NALCN: variants seen among roughly 807,000 people sequenced by gnomAD.
NALCN encodes sodium leak channel, non-selective.
A neutral mutation model predicts 225.3 loss-of-function variants in NALCN; 111 were observed. The ratio of observed to expected loss-of-function variants is 0.49; its 90% CI spans 0.42 to 0.58. The LOEUF (loss-of-function observed/expected upper bound fraction) is 0.58. Ranked by LOEUF, NALCN falls within the 20% of genes least tolerant of loss-of-function variation. The pLI is 0.00. For missense variants in NALCN, 1,378 were observed against 2,202.4 expected, an observed-to-expected ratio of 0.63 and a Z score of 7.49; for synonymous variants, 764 against 769.0, an observed-to-expected ratio of 0.99 and a Z score of 0.11.
chr13:101,408,088 C>A (rs930744068), intron 1 of NALCN, among the ~76,000 whole-genome samples: 2 of 152,142 alleles, frequency 1.3e-5, no homozygotes, highest in African/African-American at 4.8e-5. Flanking sequence ...CACGAGGGAG[C>A]CAGGTCTTTC....
chr13:101,077,839 G>C (rs1172346916), intron 34 of NALCN, among the ~76,000 whole-genome samples: 1 of 152,202 alleles, frequency 6.6e-6, no homozygotes, highest in East Asian at 1.9e-4. Flanking sequence ...GACCTTCACA[G>C]CAGCCCCTTC....
At chr13:101,266,998 C>A (rs190011794) in intron 10 of NALCN, among the ~76,000 whole-genome samples, 154 of 152,294 alleles carry the variant, frequency 1.0e-3, no homozygotes, top group Non-Finnish European at 1.5e-3. Flanking sequence ...CCTGATGCGT[C>A]CTTAGAGAGT....
At chr13:101,270,943 T>C (rs7331665) in intron 10 of NALCN, among the ~76,000 whole-genome samples, 10,207 of 152,298 alleles carry the variant, frequency 0.067, 1,137 homozygotes, top group African/African-American at 0.22. Context: ...GATGGAAATT[T>C]GTCTCCAATG....
chr13:101,056,048 A>G (rs929918827), intron 43 of NALCN, among the ~76,000 whole-genome samples: 1 of 152,106 alleles, frequency 6.6e-6, no homozygotes, highest in Non-Finnish European at 1.5e-5. Context: ...TAATTAGACT[A>G]TTGTCAGGAT....
intron 9 of NALCN, among the ~76,000 whole-genome samples, chr13:101,287,782 T>C (rs1413610801): frequency 6.6e-6 from 1 of 152,208 alleles, no homozygotes; most frequent in Non-Finnish European, 1.5e-5. Context: ...AACTGGTCGG[T>C]TGGTTTGTAA....
In NALCN at chr13:101,139,968, A is replaced by G. The variant is rs1389341491; in HGVS notation, c.2118+3112T>C. Among the ~76,000 whole-genome samples the G allele has an allele frequency of 3.3e-5, 5 of 152,118 alleles. No individual in the cohort carries two copies. The East Asian group carries it at 9.7e-4, about 29-fold the overall frequency. ...CAGGGGCACTCAACAAGGTTGACAA[A>G]TCCTAAGGTCTTATGAGGAACACCA... On this transcript the variant is annotated intron_variant, in intron 17 of 43. Coordinates refer to ENST00000251127, the MANE Select transcript of NALCN (RefSeq NM_052867.4).
chr13:101,229,627 T>G, intron 12 of NALCN, 43 bp from the exon 13 acceptor site: 2 of 1,392,186 alleles, frequency 1.4e-6, no homozygotes, highest in Non-Finnish European at 1.9e-6. Context: ...ATATGATCAT[T>G]TATTTACACT....
chr13:101,077,333 A>G (rs146466015), intron 34 of NALCN, among the ~76,000 whole-genome samples: 11,689 of 152,236 alleles, frequency 0.077, 525 homozygotes, highest in African/African-American at 0.12. Context: ...CGACTTTGGA[A>G]CTGGGTAACA....
intron 26 of NALCN, among the ~76,000 whole-genome samples, chr13:101,102,311 GAT>G (rs1210508746): frequency 6.6e-6 from 1 of 151,746 alleles, no homozygotes. Context: ...AGTCAGTAAT[GAT>G]ATATATACCT....
intron 6 of NALCN, among the ~76,000 whole-genome samples, chr13:101,369,582 A>G (rs1043800828): frequency 2.0e-5 from 3 of 152,144 alleles, no homozygotes; most frequent in East Asian, 1.9e-4. Flanking sequence ...TACAAGTTTT[A>G]TAACTCTCAC....
At chr13:101,301,334 C>A (rs1264942267) in intron 7 of NALCN, among the ~76,000 whole-genome samples, 1 of 152,208 alleles carries the variant, frequency 6.6e-6, no homozygotes, top group African/African-American at 2.4e-5. Flanking sequence ...TGGTCAGATA[C>A]CCCTCAGCCT....
At chr13:101,303,554 G>A (rs1263524368) in intron 7 of NALCN, among the ~76,000 whole-genome samples, 1 of 151,992 alleles carries the variant, frequency 6.6e-6, no homozygotes, top group Non-Finnish European at 1.5e-5. Context: ...CTAACTGCAA[G>A]GCAACATTAG....
intron 13 of NALCN, among the ~76,000 whole-genome samples, chr13:101,195,159 T>C (rs1478305011): frequency 1.3e-5 from 2 of 152,154 alleles, no homozygotes; most frequent in African/African-American, 2.4e-5. Context: ...CTGACCTCAG[T>C]AATGCACAGG....
chr13:101,276,276 C>T (rs556318444), intron 10 of NALCN, among the ~76,000 whole-genome samples: 1 of 152,114 alleles, frequency 6.6e-6, no homozygotes, highest in African/African-American at 2.4e-5. Context: ...ATTTACCATG[C>T]TCAGTATCTT....
At chr13:101,116,513 T>A (rs779118006) in intron 18 of NALCN, 2 of 516,602 alleles carry the variant, frequency 3.9e-6, no homozygotes, top group Non-Finnish European at 7.7e-6. Flanking sequence ...TAGCAGGGGG[T>A]CCCCGGTTCT....
At chr13:101,075,993 T>G (rs758792404) in intron 34 of NALCN, 52 bp from the exon 35 acceptor site, 1 of 1,503,162 alleles carries the variant, frequency 6.7e-7, no homozygotes, top group Non-Finnish European at 9.1e-7. Flanking sequence ...AAGATCTTGT[T>G]ACAGTTCCAT....
intron 6 of NALCN, among the ~76,000 whole-genome samples, chr13:101,346,435 GA>G (rs1416519293): frequency 2.6e-5 from 4 of 152,058 alleles, no homozygotes; most frequent in African/African-American, 9.7e-5. Flanking sequence ...GTTGCATGAT[GA>G]AAATCATTTT....
intron 17 of NALCN, among the ~76,000 whole-genome samples, chr13:101,125,714 G>T (rs763994595): frequency 2.6e-5 from 4 of 152,164 alleles, no homozygotes; most frequent in Admixed American, 6.5e-5. Flanking sequence ...AGCAAGTCTG[G>T]ACTAGTCGGC....
At chr13:101,075,980 C>A (rs1368544372) in intron 34 of NALCN, 39 bp from the exon 35 acceptor site, 8 of 1,569,108 alleles carry the variant, frequency 5.1e-6, no homozygotes, top group Non-Finnish European at 7.0e-6. Flanking sequence ...ATAATTTGCA[C>A]AAAAGATCTT....
Sources: gnomAD v4.1 joint callset for allele counts (sites outside exome capture counted in the v4.1 genomes callset) on GRCh38, gnomAD v4.1.1 for gene constraint, MANE v1.5 for transcripts, NCBI Gene and HGNC (gene_info 2026-07-23, HGNC 2026-07-21) for gene names.